The following ANO3 variants were observed in gnomAD, a reference collection of about 807,000 sequenced individuals.
The protein encoded by ANO3 is anoctamin 3.
Under a neutral mutation model 144.8 loss-of-function variants are expected in ANO3, and 99 were observed. That is an observed-to-expected ratio of 0.68 (90% confidence interval 0.58 to 0.81). The LOEUF is 0.81. ANO3 is among the 30% of genes least tolerant of loss of function. ANO3 has a pLI of 0.00. For missense variants in ANO3, 905 were observed against 1,202.2 expected (o/e 0.75, Z 3.66); for synonymous variants, 414 against 392.6 (o/e 1.05, Z -0.64).
chr11:26,568,323 A>G (rs1309110083), intron 14 of ANO3, among the ~76,000 whole-genome samples: 1 of 152,028 alleles, frequency 6.6e-6, no homozygotes, highest in Non-Finnish European at 1.5e-5. Context: ...GTGTCCAAGG[A>G]CACACAGCTA....
At chr11:26,280,949 G>A (rs1853664742) in intron 1 of ANO3, among the ~76,000 whole-genome samples, 1 of 152,156 alleles carries the variant, frequency 6.6e-6, no homozygotes, top group Admixed American at 6.5e-5. Flanking sequence ...AGATCTGACA[G>A]GCTCATTCTC....
intron 17 of ANO3, among the ~76,000 whole-genome samples, chr11:26,619,713 C>A (rs965950786): frequency 6.6e-6 from 1 of 152,158 alleles, no homozygotes; most frequent in African/African-American, 2.4e-5. Context: ...GAGATCCGCC[C>A]ACTTTGGCCT....
chr11:26,334,322 G>GA (rs1289291627), intron 1 of ANO3, among the ~76,000 whole-genome samples: 1 of 152,158 alleles, frequency 6.6e-6, no homozygotes, highest in Non-Finnish European at 1.5e-5. Context: ...TGGGCATTAG[G>GA]AAAAAAACAG....
At chr11:26,298,233 C>G (rs6484201) in intron 1 of ANO3, among the ~76,000 whole-genome samples, 1 of 151,956 alleles carries the variant, frequency 6.6e-6, no homozygotes, top group Non-Finnish European at 1.5e-5. Context: ...TAATAGCTAC[C>G]CACCCAGTAA....
chr11:26,249,526 T>G (rs1852877653), intron 1 of ANO3, among the ~76,000 whole-genome samples: 1 of 152,092 alleles, frequency 6.6e-6, no homozygotes, highest in African/African-American at 2.4e-5. Flanking sequence ...ATGTGCTTCT[T>G]CTCCTGGCCC....
intron 1 of ANO3, among the ~76,000 whole-genome samples, chr11:26,239,137 AATT>A (rs1564929848): frequency 1.3e-5 from 2 of 151,458 alleles, no homozygotes; most frequent in African/African-American, 4.8e-5. Flanking sequence ...ACCTAATAAA[AATT>A]ATATTACATA....
At chr11:26,453,670 A>G (rs1859035413) in intron 3 of ANO3, among the ~76,000 whole-genome samples, 1 of 152,156 alleles carries the variant, frequency 6.6e-6, no homozygotes, top group African/African-American at 2.4e-5. Context: ...AGACAGATCA[A>G]CGAGAAAGAA....
At chr11:26,504,297 G>A (rs1006310706) in intron 4 of ANO3, among the ~76,000 whole-genome samples, 1 of 151,964 alleles carries the variant, frequency 6.6e-6, no homozygotes, top group East Asian at 1.9e-4. Context: ...TATTCTTGAG[G>A]TTAACCCTAT....
chr11:26,562,390 G>T (rs186743979), intron 14 of ANO3, among the ~76,000 whole-genome samples: 1 of 151,914 alleles, frequency 6.6e-6, no homozygotes. Flanking sequence ...ATTTGTTATG[G>T]TGACAAGAAT....
In ANO3 at chr11:26,644,778, T is replaced by C. The variant is rs573528737; in HGVS notation, c.2428+1444T>C. Among the ~76,000 whole-genome samples, 9 of 151,608 alleles carry C rather than the reference T, an allele frequency of 5.9e-5. No homozygotes were observed. In the East Asian group the frequency reaches 1.8e-3, roughly 30 times the overall value. ...GTCATTTGGTGGCCATTGAATCTGA[T>C]TTGGTAATCTGGCCCTATATTTATT... On this transcript the variant is annotated intron_variant, in intron 23 of 26. Transcript: ENST00000256737.
At chr11:26,468,198 A>T (rs936572703) in intron 4 of ANO3, among the ~76,000 whole-genome samples, 1 of 151,924 alleles carries the variant, frequency 6.6e-6, no homozygotes, top group Admixed American at 6.6e-5. Flanking sequence ...TAAAGAATCC[A>T]TGGCATCCGT....
In ANO3 at chr11:26,643,247, T is replaced by G. The variant is rs11825056; in HGVS notation, c.2341T>G (p.Leu781Val). Residue 781 changes from leucine to valine, a missense_variant, in exon 23 of 27, where the codon TTA becomes GTA. By Grantham distance (32) the Leu-to-Val change is conservative (BLOSUM62 1). Around this residue, in one of 4 missense-constraint regions of ANO3, gnomAD observed 597 missense variants for 865.1 expected, o/e 0.69. Transcript: ENST00000256737. ...TCCTCTAGCCCCTCTTTTGGCTTTG[T>G]TAAACAATATCATTGAAATCAGGCT... is the stretch of plus-strand genomic sequence containing the variant. ...AFPLAPLLALLNNIIEIRLDA... is the reference protein window; with the variant it reads ...AFPLAPLLALVNNIIEIRLDA... The G allele has an allele frequency of 6.2e-7, 1 of 1,614,222 alleles. No individual in the cohort carries two copies. Among genetic ancestry groups the G allele is most frequent in the Non-Finnish European group, 8.5e-7 (1 of 1,180,028 alleles).
intron 1 of ANO3, among the ~76,000 whole-genome samples, chr11:26,353,904 A>G (rs1855712852): frequency 1.3e-5 from 2 of 152,164 alleles, no homozygotes; most frequent in Non-Finnish European, 1.5e-5. Flanking sequence ...TACCAATTTT[A>G]ACAAGTTGAA....
intron 17 of ANO3, among the ~76,000 whole-genome samples, chr11:26,612,450 G>A (rs894427549): frequency 2.7e-5 from 4 of 149,716 alleles, no homozygotes; most frequent in African/African-American, 4.9e-5. Context: ...TCTATTAGGT[G>A]TTCCTAAGCC....
rs201712393 is a variant in ANO3 at position 26,595,460 on chromosome 11, G to GTTTTTTTTTT, written c.1448-2887_1448-2878dup. 8.5e-3 allele frequency among the ~76,000 whole-genome samples: 858 copies of GTTTTTTTTTT among 101,294 alleles called. 56 individuals are homozygous for GTTTTTTTTTT. Among genetic ancestry groups the GTTTTTTTTTT allele is most frequent in the African/African-American group, 0.013 (304 of 23,934 alleles). The allele number at this position is 101,294 out of a possible 152,430, so 66.5% of individuals were successfully genotyped here. A position where few individuals can be genotyped will look rare whatever the true frequency, so the allele number is the denominator to read the frequency against. On this transcript the variant is annotated intron_variant, in intron 14 of 26. Transcript: ENST00000256737. Reference sequence around the variant, plus strand: ...TTTGACTCAGTATTGAGATAGAGTTGTTTTTTTTTTTTTTTTTTTTTTTTT... The same window carrying GTTTTTTTTTT: ...TTTGACTCAGTATTGAGATAGAGTTGTTTTTTTTTTTTTTTTTTTTTTTTTTTTTTTTTTT...
intron 1 of ANO3, among the ~76,000 whole-genome samples, chr11:26,235,656 A>C (rs1852505072): frequency 6.7e-6 from 1 of 150,328 alleles, no homozygotes; most frequent in Admixed American, 6.6e-5. Context: ...ACAGTTTCTT[A>C]CATTAATTAT....
At chr11:26,573,394 TCAAA>T (rs1850901811) in intron 14 of ANO3, among the ~76,000 whole-genome samples, 1 of 152,188 alleles carries the variant, frequency 6.6e-6, no homozygotes, top group Admixed American at 6.5e-5. Flanking sequence ...TTAAATTTAA[TCAAA>T]CAGTTAGTTA....
chr11:26,434,212 G>A (rs1235963453), intron 1 of ANO3, among the ~76,000 whole-genome samples: 1 of 152,106 alleles, frequency 6.6e-6, no homozygotes, highest in Non-Finnish European at 1.5e-5. Flanking sequence ...GTGCCTAGAG[G>A]TGTTCATTAA....
At chr11:26,563,110 T>A (rs764719014) in intron 14 of ANO3, 1 of 1,610,912 alleles carries the variant, frequency 6.2e-7, no homozygotes, top group Non-Finnish European at 8.5e-7. Flanking sequence ...TGAAAATAGA[T>A]TTTACCTGGT....
Sources: gnomAD v4.1 joint callset for allele counts (sites outside exome capture counted in the v4.1 genomes callset) on GRCh38, gnomAD v4.1.1 for gene constraint, gnomAD v4.1.1 regional missense constraint, MANE v1.5 for transcripts, NCBI Gene and HGNC (gene_info 2026-07-23, HGNC 2026-07-21) for gene names.